The following EFCAB8 variants were observed in gnomAD, a reference collection of about 807,000 sequenced individuals.
EFCAB8 encodes EF-hand calcium binding domain 8.
Under a neutral mutation model 116.3 loss-of-function variants are expected in EFCAB8, and 100 were observed. The ratio of observed to expected loss-of-function variants is 0.86; its 90% CI spans 0.73 to 1.02. EFCAB8 has a LOEUF of 1.02. Ranked by LOEUF, EFCAB8 falls within the 50% of genes least tolerant of loss-of-function variation. The pLI is 0.00. For missense variants in EFCAB8, 1,320 were observed against 1,416.9 expected (o/e 0.93, Z 1.10); for synonymous variants, 558 against 567.9 (o/e 0.98, Z 0.25).
intron 20 of EFCAB8, among the ~76,000 whole-genome samples, chr20:32,927,376 ACT>A (rs1987713329): frequency 6.6e-6 from 1 of 151,852 alleles, no homozygotes; most frequent in Admixed American, 6.6e-5. Context: ...ACAGAGTCTC[ACT>A]CTGTCTCCCA....
Position 32,877,207 on chromosome 20 carries a change from CT to C in EFCAB8, c.327+1182del, listed in dbSNP as rs757130907. 6.4e-3 allele frequency among the ~76,000 whole-genome samples: 735 copies of C among 115,018 alleles called. 12 individuals are homozygous for C. Among genetic ancestry groups the C allele is most frequent in the African/African-American group, 0.018 (623 of 34,074 alleles). The allele number at this position is 115,018 out of a possible 152,430, so 75.5% of individuals were successfully genotyped here. A position where few individuals can be genotyped will look rare whatever the true frequency, so the allele number is the denominator to read the frequency against. ...TTTTCTTGTTTTTATTTATTTCTTT[CT>C]TTTTTTTTTTTTTTTTTTGAGATGG... is the stretch of plus-strand genomic sequence containing the variant. On this transcript the variant is annotated intron_variant, in intron 4 of 26. Transcript: ENST00000400522.
intron 15 of EFCAB8, 32 bp from the exon 16 acceptor site, chr20:32,911,448 T>G: frequency 1.4e-6 from 2 of 1,446,434 alleles, no homozygotes. Flanking sequence ...CCCCGGCCTC[T>G]CCAGCAGCCC....
intron 5 of EFCAB8, among the ~76,000 whole-genome samples, chr20:32,880,862 C>T (rs1004450939): frequency 3.3e-5 from 5 of 152,078 alleles, no homozygotes; most frequent in African/African-American, 1.2e-4. Flanking sequence ...TAGGGCAGGA[C>T]TCTGGGGCTG....
chr20:32,905,270 A>T (rs1453049834), intron 11 of EFCAB8, among the ~76,000 whole-genome samples: 1 of 152,234 alleles, frequency 6.6e-6, no homozygotes, highest in Non-Finnish European at 1.5e-5. Context: ...GCAGATGAAC[A>T]AGAGAAAAGC....
At chr20:32,906,095 C>T (rs901454032) in intron 11 of EFCAB8, among the ~76,000 whole-genome samples, 2 of 152,284 alleles carry the variant, frequency 1.3e-5, no homozygotes, top group Admixed American at 1.3e-4. Flanking sequence ...GCATGGGGAC[C>T]ACACGTAGCC....
At chr20:32,884,034 T>C (rs1985482611) in intron 5 of EFCAB8, among the ~76,000 whole-genome samples, 1 of 152,120 alleles carries the variant, frequency 6.6e-6, no homozygotes, top group South Asian at 2.1e-4. Context: ...CTCTGCCCGG[T>C]CAGGTCTTTC....
intron 23 of EFCAB8, among the ~76,000 whole-genome samples, chr20:32,946,788 T>G (rs1271211431): frequency 6.6e-6 from 1 of 152,244 alleles, no homozygotes; most frequent in East Asian, 1.9e-4. Flanking sequence ...TGTCTCCTCA[T>G]AGTAAACTCT....
At chr20:32,886,196 T>G (rs11697940) in intron 6 of EFCAB8, among the ~76,000 whole-genome samples, 48,536 of 152,178 alleles carry the variant, frequency 0.32, 9,882 homozygotes, top group Middle Eastern at 0.49. Flanking sequence ...CAAATGGGGC[T>G]AGTTACAGTG....
chr20:32,876,658 G>A (rs781583058), intron 4 of EFCAB8, among the ~76,000 whole-genome samples: 19 of 152,104 alleles, frequency 1.2e-4, no homozygotes, highest in Non-Finnish European at 1.8e-4. Context: ...ATCCTATGGG[G>A]TAGGTGCTAT....
At chr20:32,885,744 T>C in intron 6 of EFCAB8, 104 bp downstream of exon 6, 1 of 1,418,920 alleles carries the variant, frequency 7.0e-7, no homozygotes, top group Non-Finnish European at 9.5e-7. Flanking sequence ...ATTCATGGTC[T>C]AAGCAGCCTG....
At chr20:32,906,789 G>A (rs1986695084) in intron 12 of EFCAB8, 54 bp from the exon 13 acceptor site, 1 of 897,536 alleles carries the variant, frequency 1.1e-6, no homozygotes, top group Non-Finnish European at 1.8e-6. Flanking sequence ...TTCACCAGTG[G>A]GTGAAGGTCC....
At position 32,961,471 on chromosome 20, in the gene EFCAB8, C is replaced by T; in HGVS notation, c.3729C>T (p.Val1243=). 1.4e-6 allele frequency: 2 copies of T among 1,450,822 alleles called. No individual in the cohort carries two copies. The highest frequency in any genetic ancestry group is 5.0e-5 in the East Asian group (2 of 39,868). The allele number at this position is 1,450,822 out of a possible 1,614,324, so 89.9% of individuals were successfully genotyped here. Reference sequence around the variant, plus strand: ...CCACAGCCCATTCCACCCCCTCGGTCCCATCCCCGGTGTCCAAGTCCACCC... The same window carrying T: ...CCACAGCCCATTCCACCCCCTCGGTTCCATCCCCGGTGTCCAAGTCCACCC... ...SASTAHSTPS[V]PSPVSKSTLQ... is the part of the protein sequence containing the mutation. Residue 1243 remains valine, a synonymous_variant, in exon 27 of 27, where the codon GTC becomes GTT. Transcript: ENST00000400522.
At position 32,940,049 on chromosome 20, in the gene EFCAB8, C is replaced by CTTCCTTCCTTCA. The variant is rs1189655522; in HGVS notation, c.2791-3576_2791-3575insATTCCTTCCTTC. Among the ~76,000 whole-genome samples, 13 of 104,286 alleles carry CTTCCTTCCTTCA rather than the reference C, an allele frequency of 1.2e-4. No individual in the cohort carries two copies. The East Asian group carries it at 2.5e-3, about 20-fold the overall frequency. The allele number at this position is 104,286 out of a possible 152,430, so 68.4% of individuals were successfully genotyped here. ...CCTTCCTTCCTTCCTTCCTTCCTTC[C>CTTCCTTCCTTCA]TTCCTTCCTTCCTTCCTTCCTTCCT... On this transcript the variant is annotated intron_variant, in intron 22 of 26. Transcript: ENST00000400522.
chr20:32,910,484 C>T (rs1054283869), intron 15 of EFCAB8, among the ~76,000 whole-genome samples: 8 of 152,072 alleles, frequency 5.3e-5, no homozygotes, highest in Non-Finnish European at 1.0e-4. Flanking sequence ...CTCACTCCCA[C>T]CCACTGGGAC....
In EFCAB8 at chr20:32,911,782, G is replaced by A. The variant is rs949129612; in HGVS notation, c.1785+75G>A. 4.0e-5 allele frequency: 57 copies of A among 1,432,014 alleles called. No homozygotes were observed. The African/African-American group carries it at 6.2e-4, about 16-fold the overall frequency. The allele number at this position is 1,432,014 out of a possible 1,614,324, so 88.7% of individuals were successfully genotyped here. On this transcript the variant is annotated intron_variant, in intron 16 of 26. Transcript: ENST00000400522. ...AGCACAGCTCCTTTGACCCTGGGAT[G>A]CACTATTTTTTGTACCTCTCTGAAA...
At chr20:32,929,138 CT>C (rs111348902) in intron 20 of EFCAB8, among the ~76,000 whole-genome samples, 4,354 of 145,368 alleles carry the variant, frequency 0.03, 122 homozygotes, top group African/African-American at 0.068. Context: ...TCTCTGTAGT[CT>C]TTTTTTTTTT....
chr20:32,884,587 T>A (rs1985510863), intron 5 of EFCAB8, among the ~76,000 whole-genome samples: 1 of 152,242 alleles, frequency 6.6e-6, no homozygotes, highest in Non-Finnish European at 1.5e-5. Flanking sequence ...ATTTTCACAG[T>A]GGCTTGGGTT....
chr20:32,958,858 G>C (rs543187912), intron 24 of EFCAB8, among the ~76,000 whole-genome samples: 1 of 152,350 alleles, frequency 6.6e-6, no homozygotes, highest in Non-Finnish European at 1.5e-5. Flanking sequence ...GCTAGAGCTG[G>C]CTTCCCTGCA....
At chr20:32,881,290 G>A (rs964527428) in intron 5 of EFCAB8, among the ~76,000 whole-genome samples, 4 of 152,176 alleles carry the variant, frequency 2.6e-5, no homozygotes, top group East Asian at 1.9e-4. Context: ...TCTGCCTCCC[G>A]GGTTCAAGTG....
Sources: gnomAD v4.1 joint callset for allele counts (sites outside exome capture counted in the v4.1 genomes callset) on GRCh38, gnomAD v4.1.1 for gene constraint, MANE v1.5 for transcripts, NCBI Gene and HGNC (gene_info 2026-07-23, HGNC 2026-07-21) for gene names.